The following CCDC181 variants were observed in gnomAD, a reference collection of about 807,000 sequenced individuals.
CCDC181 encodes the protein coiled-coil domain-containing protein 181.
A neutral mutation model predicts 58.7 loss-of-function variants in CCDC181; 35 were observed. That is an observed-to-expected ratio of 0.60 (90% CI 0.46 to 0.79). CCDC181 has a LOEUF of 0.79. CCDC181 is among the 30% of genes least tolerant of loss of function. CCDC181 has a pLI of 0.00. For missense variants in CCDC181, 517 were observed against 583.9 expected, an observed-to-expected ratio of 0.89 and a Z score of 1.18; for synonymous variants, 183 against 197.5, an observed-to-expected ratio of 0.93 and a Z score of 0.62.
At chr1:169,416,483 T>C (rs1182981583) in intron 4 of CCDC181, among the ~76,000 whole-genome samples, 2 of 152,226 alleles carry the variant, frequency 1.3e-5, no homozygotes, top group African/African-American at 4.8e-5. Context: ...ATGAATTGGA[T>C]TGAAACACCA....
At chr1:169,443,512 A>G (rs989708345) in intron 2 of CCDC181, 7 of 152,162 alleles carry the variant, frequency 4.6e-5, no homozygotes, top group Non-Finnish European at 1.0e-4. Flanking sequence ...TAAATTATCA[A>G]TAAGAAAACC....
chr1:169,412,814 T>A (rs1656040665), intron 4 of CCDC181, among the ~76,000 whole-genome samples: 1 of 152,220 alleles, frequency 6.6e-6, no homozygotes, highest in Non-Finnish European at 1.5e-5. Context: ...GAAAACTGGC[T>A]AGCCATATGC....
intron 2 of CCDC181, among the ~76,000 whole-genome samples, chr1:169,448,595 T>C (rs1407426554): frequency 3.3e-5 from 5 of 152,164 alleles, no homozygotes; most frequent in Non-Finnish European, 7.4e-5. Context: ...TCAATATATT[T>C]TTGCCTTTGG....
chr1:169,397,315 T>A lies in CCDC181; in HGVS notation c.1292A>T (p.Gln431Leu). 1.2e-6 allele frequency: 2 copies of A among 1,612,440 alleles called. No homozygotes were observed. The highest frequency in any genetic ancestry group is 8.5e-7 in the Non-Finnish European group (1 of 1,179,266). Residue 431 changes from glutamine to leucine, a missense_variant, in exon 5 of 6, where the codon CAG (glutamine) becomes CTG (leucine). Physicochemically the swap from Gln to Leu is moderately radical, Grantham distance 113. Transcript: ENST00000367806. ...CTCTTGCTTTCTTAGTTCTTCTGTC[T>A]GTCTTTCTTTCATCTGCTCTTCGTG... Reference protein sequence around the residue: ...KKHEEQMKERQTEELRKQEEC... With the variant: ...KKHEEQMKERLTEELRKQEEC...
chr1:169,459,891 C>T (rs1571525517), intron 1 of CCDC181: 1 of 74,782 alleles, frequency 1.3e-5, no homozygotes, highest in African/African-American at 5.5e-5. Context: ...TCAAGTTACG[C>T]AGTTTGAAAT....
chr1:169,432,032 A>G (rs1025871109), upstream of CCDC181, among the ~76,000 whole-genome samples: 1 of 152,230 alleles, frequency 6.6e-6, no homozygotes, highest in African/African-American at 2.4e-5. Flanking sequence ...AGAAAGGCAT[A>G]AACTCAGAAA....
At chr1:169,395,322 C>CA in intron 5 of CCDC181, 116 bp from the exon 6 acceptor site, 1 of 893,922 alleles carries the variant, frequency 1.1e-6, no homozygotes, top group Non-Finnish European at 1.6e-6. Flanking sequence ...GAAATACTGT[C>CA]ACAGCACAAA....
At chr1:169,440,994 G>GGCA (rs1204306535) in intron 2 of CCDC181, among the ~76,000 whole-genome samples, 1 of 146,758 alleles carries the variant, frequency 6.8e-6, no homozygotes, top group African/African-American at 2.5e-5. Context: ...TATTGCCCAT[G>GGCA]GCAGCCTCTG....
chr1:169,399,576 G>C (rs1037970882), intron 4 of CCDC181, among the ~76,000 whole-genome samples: 1 of 151,956 alleles, frequency 6.6e-6, no homozygotes, highest in African/African-American at 2.4e-5. Context: ...TAAAAAATTA[G>C]AGGAAAATAA....
intron 2 of CCDC181, among the ~76,000 whole-genome samples, chr1:169,437,827 T>C (rs1299946259): frequency 2.6e-5 from 4 of 152,198 alleles, no homozygotes; most frequent in Admixed American, 2.0e-4. Context: ...AAGTAAATAC[T>C]GAGTACTAGG....
At position 169,422,169 on chromosome 1, in the gene CCDC181, C is replaced by G; in HGVS notation, c.262G>C (p.Gly88Arg). 6.2e-7 allele frequency: 1 copy of G among 1,613,698 alleles called. No homozygotes were observed. Among genetic ancestry groups the G allele is most frequent in the Non-Finnish European group, 8.5e-7 (1 of 1,179,858 alleles). The change falls in exon 3 of 6, where the codon GGT (glycine) becomes CGT (arginine). Residue 88 changes from glycine to arginine, a missense_variant. Physicochemically the swap from Gly to Arg is moderately radical, Grantham distance 125. Transcript: ENST00000367806. ...GATATGGGATCCAAAGGTTGAATAC[C>G]TGGTACAGAAATGATGTCATTTCTT... is the stretch of plus-strand genomic sequence containing the variant. ...PRRNDIISVP[G>R]IQPLDPISDS...
At chr1:169,406,327 G>T (rs917196552) in intron 4 of CCDC181, among the ~76,000 whole-genome samples, 3 of 152,138 alleles carry the variant, frequency 2.0e-5, no homozygotes, top group Non-Finnish European at 4.4e-5. Flanking sequence ...AAATCATGCT[G>T]CTATAAAGAC....
chr1:169,445,373 C>G (rs1237340953), intron 2 of CCDC181, among the ~76,000 whole-genome samples: 1 of 87,226 alleles, frequency 1.1e-5, no homozygotes, highest in Non-Finnish European at 2.5e-5. Flanking sequence ...TTGTCAAATG[C>G]TTTTTCTACA....
chr1:169,430,891 G>A (rs747503886), upstream of CCDC181, among the ~76,000 whole-genome samples: 1 of 152,140 alleles, frequency 6.6e-6, no homozygotes, highest in Non-Finnish European at 1.5e-5. Context: ...CCCGCAATCA[G>A]TCTGATTGGT....
chr1:169,436,052 A>T (rs1242225926), intron 2 of CCDC181, among the ~76,000 whole-genome samples: 1 of 152,230 alleles, frequency 6.6e-6, no homozygotes, highest in Non-Finnish European at 1.5e-5. Flanking sequence ...CAAAGCTAAT[A>T]CAGTTTGTGA....
At chr1:169,459,015 A>C (rs1657757644) in intron 2 of CCDC181, among the ~76,000 whole-genome samples, 1 of 151,220 alleles carries the variant, frequency 6.6e-6, no homozygotes, top group Admixed American at 6.6e-5. Context: ...TAAAATAATT[A>C]TTCATTCTCG....
chr1:169,413,466 C>G (rs1027820353), intron 4 of CCDC181, among the ~76,000 whole-genome samples: 8 of 152,106 alleles, frequency 5.3e-5, no homozygotes, highest in African/African-American at 1.9e-4. Context: ...GTGGTGATTC[C>G]TCAAGGCTCT....
chr1:169,451,714 C>T (rs1657543961), intron 2 of CCDC181, among the ~76,000 whole-genome samples: 1 of 150,208 alleles, frequency 6.7e-6, no homozygotes, highest in African/African-American at 2.4e-5. Flanking sequence ...TTACACAATA[C>T]CCAAGCTGGC....
chr1:169,421,853 T>C lies in CCDC181; in HGVS notation c.578A>G (p.Asn193Ser), dbSNP rs1163160983. 6 of 1,614,002 alleles carry C rather than the reference T, an allele frequency of 3.7e-6. No individual in the cohort carries two copies. In the Admixed American group the frequency reaches 5.0e-5, roughly 13 times the overall value. ...FGKLSQLCISNDFGQEDVLLS... is the reference protein window; with the variant it reads ...FGKLSQLCISSDFGQEDVLLS... ...GAGCACATCTTCTTGTCCAAAATCA[T>C]TGGAAATACATAATTGTGACAGTTT... The change falls in exon 3 of 6, where the codon AAT (asparagine) becomes AGT (serine). Residue 193 changes from asparagine (N) to serine (S), a missense_variant. By Grantham distance (46) the Asn-to-Ser change is conservative. Transcript: ENST00000367806.
Sources: allele counts gnomAD v4.1 joint callset (sites outside exome capture counted in the v4.1 genomes callset), GRCh38; gene constraint gnomAD v4.1.1; transcripts MANE v1.5; gene names NCBI Gene and HGNC (gene_info 2026-07-23, HGNC 2026-07-21).